The following NRG1 variants were observed in gnomAD, a reference collection of about 807,000 sequenced individuals.
NRG1 encodes the protein pro-neuregulin-1, membrane-bound isoform.
A neutral mutation model predicts 63.8 loss-of-function variants in NRG1; 18 were observed. The ratio of observed to expected loss-of-function variants is 0.28; its 90% CI spans 0.19 to 0.42. The LOEUF (loss-of-function observed/expected upper bound fraction) is 0.42, where lower values mean the gene tolerates loss of function less well. Ranked by LOEUF, NRG1 falls within the 10% of genes least tolerant of loss-of-function variation. The pLI, the probability that NRG1 is intolerant of heterozygous loss-of-function variation, is 1.00. For synonymous variants in NRG1, 302 were observed against 301.3 expected (o/e 1.00, Z -0.02); for missense variants, 762 against 814.7 (o/e 0.94, Z 0.79).
At chr8:32,356,411 T>A (rs372877385) in intron 1 of NRG1, among the ~76,000 whole-genome samples, 1 of 150,806 alleles carries the variant, frequency 6.6e-6, no homozygotes, top group Admixed American at 6.6e-5. Flanking sequence ...GAAATAATTA[T>A]GTAGGAAAAG....
At chr8:32,251,364 A>T (rs1425803818) in intron 1 of NRG1, among the ~76,000 whole-genome samples, 3 of 143,250 alleles carry the variant, frequency 2.1e-5, no homozygotes, top group Non-Finnish European at 3.0e-5. Context: ...AGCTTCATCC[A>T]TGTCCCTGCA....
At chr8:32,249,932 A>C (rs1848930900) in intron 1 of NRG1, among the ~76,000 whole-genome samples, 1 of 152,102 alleles carries the variant, frequency 6.6e-6, no homozygotes, top group Non-Finnish European at 1.5e-5. Context: ...GGGCAAGAAA[A>C]AACGGGAGTC....
chr8:32,175,098 C>T (rs1169238519), intron 1 of NRG1, among the ~76,000 whole-genome samples: 1 of 152,182 alleles, frequency 6.6e-6, no homozygotes, highest in Non-Finnish European at 1.5e-5. Flanking sequence ...TACTAGCAAA[C>T]TGAATCCAGC....
intron 1 of NRG1, among the ~76,000 whole-genome samples, chr8:31,848,311 C>T (rs1586787659): frequency 6.6e-6 from 1 of 152,224 alleles, no homozygotes; most frequent in East Asian, 1.9e-4. Context: ...TTGGATTACA[C>T]AGAGTGCCTA....
At chr8:32,264,613 T>C (rs2129471903) in intron 1 of NRG1, among the ~76,000 whole-genome samples, 1 of 152,340 alleles carries the variant, frequency 6.6e-6, no homozygotes, top group Non-Finnish European at 1.5e-5. Flanking sequence ...GTCTACAATT[T>C]GCAATGCACT....
intron 1 of NRG1, among the ~76,000 whole-genome samples, chr8:32,048,619 T>C (rs1029078185): frequency 6.6e-6 from 1 of 151,654 alleles, no homozygotes; most frequent in African/African-American, 2.4e-5. Flanking sequence ...CTCCACATCC[T>C]CACTAGCACT....
intron 1 of NRG1, among the ~76,000 whole-genome samples, chr8:31,854,817 G>T (rs1285643681): frequency 6.6e-6 from 1 of 151,878 alleles, no homozygotes; most frequent in African/African-American, 2.4e-5. Flanking sequence ...TTGTGTCTTT[G>T]TTCTCGTTGG....
chr8:31,989,277 C>CA, intron 1 of NRG1, among the ~76,000 whole-genome samples: 1 of 70,298 alleles, frequency 1.4e-5, no homozygotes, highest in East Asian at 4.6e-4. Flanking sequence ...AAAAAAAGAA[C>CA]AAAACAAAAA....
At chr8:32,081,289 A>T (rs955774681) in intron 1 of NRG1, among the ~76,000 whole-genome samples, 1 of 152,120 alleles carries the variant, frequency 6.6e-6, no homozygotes, top group Non-Finnish European at 1.5e-5. Context: ...GAGCTTCAAC[A>T]TATGCATTTT....
At chr8:32,416,661 T>G (rs1815957448) in intron 1 of NRG1, among the ~76,000 whole-genome samples, 1 of 151,964 alleles carries the variant, frequency 6.6e-6, no homozygotes, top group Non-Finnish European at 1.5e-5. Context: ...GTTTGTTTGT[T>G]TTGTCGTTGT....
chr8:32,567,099 A>C (rs1203058580), intron 1 of NRG1, among the ~76,000 whole-genome samples: 4 of 152,216 alleles, frequency 2.6e-5, no homozygotes, highest in Admixed American at 6.5e-5. Flanking sequence ...CGGCCTCCCA[A>C]AGTGCTGGGA....
chr8:32,160,062 T>C (rs144658489), intron 1 of NRG1, among the ~76,000 whole-genome samples: 2 of 152,264 alleles, frequency 1.3e-5, no homozygotes, highest in African/African-American at 4.8e-5. Flanking sequence ...GCAAGGCACC[T>C]TGTGAAAGCC....
At chr8:32,548,228 G>A (rs1340356631), upstream of NRG1, 8 of 985,308 alleles carry the variant, frequency 8.1e-6, no homozygotes, top group East Asian at 9.1e-4. Context: ...GGGAGGGTGC[G>A]AAGGAGGCGC....
At chr8:32,135,579 A>T (rs1165016232) in intron 1 of NRG1, among the ~76,000 whole-genome samples, 1 of 152,144 alleles carries the variant, frequency 6.6e-6, no homozygotes, top group Non-Finnish European at 1.5e-5. Flanking sequence ...GCTGGCATTT[A>T]CTAAGATGGG....
rs1563428259 is a variant in NRG1, at chr8:32,412,423, CA to C, written c.38-183404del. On this transcript the variant is annotated intron_variant, in intron 1 of 10. Coordinates refer to the NRG1 transcript ENST00000519301. ...TCCTCTCTCTCTCTCTCTCTCTCTACATATATATATATATATATATATATAT... is the reference window on the plus strand; with the variant it reads ...TCCTCTCTCTCTCTCTCTCTCTCTACTATATATATATATATATATATATAT... Among the ~76,000 whole-genome samples the C allele has an allele frequency of 3.3e-3, 303 of 92,920 alleles. 1 individual carries two copies. The highest frequency in any genetic ancestry group is 3.4e-3 in the African/African-American group (83 of 24,256). 61.0% of individuals were successfully genotyped at this position (92,920 alleles called of 152,430 possible). A position where few individuals can be genotyped will look rare whatever the true frequency, so the allele number is the denominator to read the frequency against.
chr8:31,708,770 T>C (rs1341829999), intron 1 of NRG1, among the ~76,000 whole-genome samples: 1 of 152,202 alleles, frequency 6.6e-6, no homozygotes, highest in African/African-American at 2.4e-5. Context: ...AAAGCCATTT[T>C]ATTGTTGAGT....
At chr8:32,001,813 G>A (rs1394754685) in intron 1 of NRG1, among the ~76,000 whole-genome samples, 5 of 152,006 alleles carry the variant, frequency 3.3e-5, no homozygotes, top group Non-Finnish European at 7.4e-5. Context: ...ATGATATCAA[G>A]TATACATATT....
At position 32,034,247 on chromosome 8, in the gene NRG1, T is replaced by C. The variant is rs2346766; in HGVS notation, c.37+394816T>C. ...CATTGGTTCTGTTTATGTGATGAATTATGTTTATTGATTTGCATATGTTGA... is the reference window on the plus strand; with the variant it reads ...CATTGGTTCTGTTTATGTGATGAATCATGTTTATTGATTTGCATATGTTGA... On this transcript the variant is annotated intron_variant, in intron 1 of 10. Transcript: ENST00000519301. Among the ~76,000 whole-genome samples, 1,155 of 152,284 alleles carry C rather than the reference T, an allele frequency of 7.6e-3. 18 individuals are homozygous for C. Among genetic ancestry groups the C allele is most frequent in the African/African-American group, 0.027 (1,106 of 41,556 alleles).
At chr8:32,350,882 C>T (rs1330872473) in intron 1 of NRG1, among the ~76,000 whole-genome samples, 3 of 152,078 alleles carry the variant, frequency 2.0e-5, no homozygotes, top group Non-Finnish European at 4.4e-5. Flanking sequence ...TCCAGATCAG[C>T]GCGGTGTCCA....
Sources: gnomAD v4.1 joint callset for allele counts (sites outside exome capture counted in the v4.1 genomes callset) on GRCh38, gnomAD v4.1.1 for gene constraint, MANE v1.5 for transcripts, NCBI Gene and HGNC (gene_info 2026-07-23, HGNC 2026-07-21) for gene names.